The following NELL2 variants were observed in gnomAD, a reference collection of about 807,000 sequenced individuals.
The protein encoded by NELL2 is neural EGFL like 2.
A neutral mutation model predicts 109.6 loss-of-function variants in NELL2; 41 were observed. The observed-to-expected ratio is 0.37, with a 90% CI of 0.29 to 0.49. NELL2 has a LOEUF of 0.49. Among genes scored for constraint, NELL2 ranks in the 20% least tolerant of loss-of-function variants. NELL2 has a pLI of 0.98. For synonymous variants in NELL2, 355 were observed against 344.7 expected (o/e 1.03, Z -0.33); for missense variants, 900 against 1,008.3 (o/e 0.89, Z 1.45).
At chr12:44,741,775 G>A (rs140506491) in intron 9 of NELL2, among the ~76,000 whole-genome samples, 8,156 of 152,152 alleles carry the variant, frequency 0.054, 686 homozygotes, top group African/African-American at 0.18. Flanking sequence ...CACCATTGCC[G>A]AGTTAGTTGT....
chr12:44,883,444 A>G (rs1159851595), intron 1 of NELL2, among the ~76,000 whole-genome samples: 1 of 151,638 alleles, frequency 6.6e-6, no homozygotes, highest in Non-Finnish European at 1.5e-5. Flanking sequence ...TTAGATTAGG[A>G]CCCCCTGGAT....
At chr12:44,858,275 A>G (rs1944740318) in intron 2 of NELL2, among the ~76,000 whole-genome samples, 1 of 152,218 alleles carries the variant, frequency 6.6e-6, no homozygotes, top group African/African-American at 2.4e-5. Context: ...ATGCTACTGC[A>G]CATCAATATG....
At chr12:44,672,491 C>A (rs1055345605) in intron 12 of NELL2, among the ~76,000 whole-genome samples, 1 of 152,168 alleles carries the variant, frequency 6.6e-6, no homozygotes, top group Admixed American at 6.5e-5. Context: ...AATTGTGTTC[C>A]ACAAAACCAG....
chr12:44,707,192 CA>C (rs1300467187), intron 11 of NELL2, among the ~76,000 whole-genome samples: 4 of 152,128 alleles, frequency 2.6e-5, no homozygotes, highest in African/African-American at 9.7e-5. Context: ...TCACACCAGC[CA>C]ATGCAGTCCA....
At chr12:44,741,672 G>A (rs191995897) in intron 9 of NELL2, among the ~76,000 whole-genome samples, 126 of 152,326 alleles carry the variant, frequency 8.3e-4, no homozygotes, top group African/African-American at 2.1e-3. Flanking sequence ...CATCTGGCTC[G>A]GAGGGTCCTA....
In NELL2 at chr12:44,818,653, G is replaced by A. The variant is rs1943433194; in HGVS notation, c.185-2517C>T. Among the ~76,000 whole-genome samples the A allele has an allele frequency of 2.7e-5, 4 of 149,760 alleles. No homozygotes were observed. In the South Asian group the frequency reaches 6.3e-4, roughly 24 times the overall value. ...TATACACAGAAGAACTTTATTAAAT[G>A]TCTATATTATTCACTATTGCTTTTG... On this transcript the variant is annotated intron_variant, in intron 2 of 19. Transcript: ENST00000429094.
intron 15 of NELL2, among the ~76,000 whole-genome samples, chr12:44,551,851 C>G (rs1943054815): frequency 6.6e-6 from 1 of 152,040 alleles, no homozygotes; most frequent in Admixed American, 6.6e-5. Context: ...GCAAATGAAA[C>G]CAAAAGCTTT....
chr12:44,828,067 T>C (rs1285230007), intron 2 of NELL2, among the ~76,000 whole-genome samples: 1 of 152,246 alleles, frequency 6.6e-6, no homozygotes, highest in African/African-American at 2.4e-5. Flanking sequence ...TGATCAATGA[T>C]GTTGAGCACT....
chr12:44,581,618 T>C (rs940370659), intron 15 of NELL2, among the ~76,000 whole-genome samples: 3 of 150,340 alleles, frequency 2.0e-5, no homozygotes, highest in Non-Finnish European at 2.9e-5. Context: ...CTTCTCTTTA[T>C]ATAGGTTGGT....
chr12:44,797,120 T>G lies in NELL2; in HGVS notation c.336-17098A>C, dbSNP rs568013045. Among the ~76,000 whole-genome samples, 7 of 152,108 alleles carry G rather than the reference T, an allele frequency of 4.6e-5. No individual in the cohort carries two copies. In the South Asian group the frequency reaches 1.4e-3, roughly 32 times the overall value. On this transcript the variant is annotated intron_variant, in intron 3 of 19. Transcript: ENST00000429094. ...GCACTGATAATAAGTGCGGTAGGGG[T>G]AGCCAAAAGAGTTAGGGAGTTAAAA...
chr12:44,797,369 G>A (rs1349427996), intron 3 of NELL2, among the ~76,000 whole-genome samples: 1 of 152,086 alleles, frequency 6.6e-6, no homozygotes, highest in Non-Finnish European at 1.5e-5. Flanking sequence ...GGGGAATATA[G>A]TCTGCTTTAA....
At chr12:44,517,416 TC>T (rs1941328558) in intron 19 of NELL2, among the ~76,000 whole-genome samples, 1 of 124,278 alleles carries the variant, frequency 8.0e-6, no homozygotes, top group Non-Finnish European at 1.7e-5. Flanking sequence ...TCTCTCTCTC[TC>T]TCTCGTTCCC....
At chr12:44,570,277 G>A (rs1943813998) in intron 15 of NELL2, among the ~76,000 whole-genome samples, 1 of 152,124 alleles carries the variant, frequency 6.6e-6, no homozygotes, top group Admixed American at 6.6e-5. Flanking sequence ...GTCATGTGTG[G>A]CGATGCTGGT....
At chr12:44,656,757 T>C (rs765156624) in intron 13 of NELL2, among the ~76,000 whole-genome samples, 6 of 152,196 alleles carry the variant, frequency 3.9e-5, no homozygotes, top group Non-Finnish European at 8.8e-5. Flanking sequence ...ACCATTTATA[T>C]ACCAGTAATT....
At chr12:44,578,069 G>A (rs17094811) in intron 15 of NELL2, among the ~76,000 whole-genome samples, 9,490 of 152,116 alleles carry the variant, frequency 0.062, 943 homozygotes, top group African/African-American at 0.22. Flanking sequence ...AGTACCAAAC[G>A]TTATCCCTTA....
intron 2 of NELL2, among the ~76,000 whole-genome samples, chr12:44,869,767 T>A (rs1489709812): frequency 1.3e-5 from 2 of 152,190 alleles, no homozygotes; most frequent in African/African-American, 4.8e-5. Flanking sequence ...TATTTTCTAG[T>A]CACATCCTTG....
intron 9 of NELL2, among the ~76,000 whole-genome samples, chr12:44,740,622 T>C (rs531764564): frequency 6.6e-6 from 1 of 152,158 alleles, no homozygotes; most frequent in East Asian, 1.9e-4. Flanking sequence ...AAAAGGTATC[T>C]ATAAGGTTAA....
intron 18 of NELL2, 37 bp from the exon 19 acceptor site, chr12:44,520,266 G>T (rs545715950): frequency 6.5e-7 from 1 of 1,546,602 alleles, no homozygotes. Context: ...CAGAGGGAGA[G>T]GGAGGAGGAA....
At chr12:44,582,725 AAGAACAG>A (rs1474250531) in intron 15 of NELL2, among the ~76,000 whole-genome samples, 27 of 152,068 alleles carry the variant, frequency 1.8e-4, no homozygotes, top group Non-Finnish European at 3.2e-4. Context: ...AAAGAACTGG[AAGAACAG>A]AGTATTGTTT....
Sources: gnomAD v4.1 joint callset for allele counts (sites outside exome capture counted in the v4.1 genomes callset) on GRCh38, gnomAD v4.1.1 for gene constraint, MANE v1.5 for transcripts, NCBI Gene and HGNC (gene_info 2026-07-23, HGNC 2026-07-21) for gene names.